Variants in EPHA6 observed in about 807,000 individuals in gnomAD.
EPHA6 encodes the protein EPH receptor A6.
In EPHA6, 50 loss-of-function variants were observed where a neutral mutation model predicts 112.0. That is an observed-to-expected ratio of 0.45 (90% CI 0.36 to 0.56). The LOEUF (loss-of-function observed/expected upper bound fraction) is 0.56. EPHA6 is among the 20% of genes least tolerant of loss of function. EPHA6 has a pLI of 0.00. For missense variants in EPHA6, 1,280 were observed against 1,417.4 expected (o/e 0.90, Z 1.56); for synonymous variants, 529 against 490.7 (o/e 1.08, Z -1.03).
At chr3:97,694,821 C>T (rs985214559) in intron 14 of EPHA6, among the ~76,000 whole-genome samples, 2 of 152,192 alleles carry the variant, frequency 1.3e-5, no homozygotes, top group Admixed American at 6.5e-5. Flanking sequence ...CTTTAAGAAG[C>T]TATTCTATAA....
chr3:97,423,309 A>T (rs554642315), intron 6 of EPHA6, among the ~76,000 whole-genome samples: 2 of 152,346 alleles, frequency 1.3e-5, no homozygotes, highest in African/African-American at 4.8e-5. Flanking sequence ...AACAACTTTC[A>T]GTATACAAAA....
At chr3:97,700,734 T>C (rs1450199450) in intron 14 of EPHA6, among the ~76,000 whole-genome samples, 4 of 152,194 alleles carry the variant, frequency 2.6e-5, no homozygotes, top group Non-Finnish European at 5.9e-5. Flanking sequence ...TATGCATATA[T>C]GTATATTATG....
chr3:96,919,566 G>A (rs1457468471), intron 2 of EPHA6, among the ~76,000 whole-genome samples: 1 of 151,702 alleles, frequency 6.6e-6, no homozygotes, highest in African/African-American at 2.4e-5. Flanking sequence ...TATTTCAATA[G>A]GAGAAACCAT....
At chr3:97,276,775 C>A (rs554983704) in intron 5 of EPHA6, among the ~76,000 whole-genome samples, 1 of 152,160 alleles carries the variant, frequency 6.6e-6, no homozygotes, top group African/African-American at 2.4e-5. Flanking sequence ...ATGAACTGGG[C>A]TGGGTTTTTC....
intron 2 of EPHA6, among the ~76,000 whole-genome samples, chr3:96,964,183 G>T (rs975333859): frequency 6.6e-6 from 1 of 151,930 alleles, no homozygotes. Context: ...ATGCTCATTC[G>T]TTATTTTAAG....
chr3:97,710,043 G>A (rs1291508306), intron 14 of EPHA6, among the ~76,000 whole-genome samples: 1 of 152,174 alleles, frequency 6.6e-6, no homozygotes, highest in African/African-American at 2.4e-5. Flanking sequence ...AATTCTTTCA[G>A]CGAAAGTCTA....
chr3:96,890,895 G>A lies in EPHA6; in HGVS notation c.450+24006G>A, dbSNP rs145773502. On this transcript the variant is annotated intron_variant, in intron 2 of 17. Transcript: ENST00000389672. ...GAGGTCAGGAGTGCAAGGCCAGCCT[G>A]GCCAACATGGTGAAACCCTGTCTCT... is the stretch of plus-strand genomic sequence containing the variant. Among the ~76,000 whole-genome samples, 476 of 152,276 alleles carry A rather than the reference G, an allele frequency of 3.1e-3. 4 individuals carry two copies. Among genetic ancestry groups the A allele is most frequent in the African/African-American group, 0.011 (437 of 41,558 alleles).
intron 13 of EPHA6, among the ~76,000 whole-genome samples, chr3:97,626,811 A>T (rs1317913022): frequency 6.6e-6 from 1 of 151,804 alleles, no homozygotes; most frequent in African/African-American, 2.4e-5. Flanking sequence ...AATGCTACAA[A>T]TCAGGGCTTT....
intron 2 of EPHA6, among the ~76,000 whole-genome samples, chr3:96,974,460 A>G (rs1433557249): frequency 6.6e-6 from 1 of 150,438 alleles, no homozygotes; most frequent in Non-Finnish European, 1.5e-5. Flanking sequence ...CTGAACTAAA[A>G]TATCCCAGTT....
chr3:97,542,588 A>G (rs2092877207), intron 11 of EPHA6, among the ~76,000 whole-genome samples: 1 of 152,224 alleles, frequency 6.6e-6, no homozygotes, highest in Admixed American at 6.5e-5. Context: ...AGCATGATTT[A>G]TAATCCTTTG....
chr3:97,577,367 T>G (rs1258604693), intron 11 of EPHA6, among the ~76,000 whole-genome samples: 1 of 152,222 alleles, frequency 6.6e-6, no homozygotes, highest in East Asian at 1.9e-4. Flanking sequence ...AAAAATTTAT[T>G]CACTATTGAA....
intron 3 of EPHA6, among the ~76,000 whole-genome samples, chr3:97,087,986 A>G (rs557453816): frequency 2.0e-5 from 3 of 152,140 alleles, no homozygotes; most frequent in South Asian, 2.1e-4. Context: ...GATCGAGACC[A>G]TCTGGCCAAC....
intron 14 of EPHA6, among the ~76,000 whole-genome samples, chr3:97,639,235 T>C (rs1047154682): frequency 6.6e-6 from 1 of 151,952 alleles, no homozygotes; most frequent in African/African-American, 2.4e-5. Context: ...AAAAGCTTCA[T>C]AAAAATAAAA....
At chr3:97,006,965 A>G (rs2043903616) in intron 3 of EPHA6, among the ~76,000 whole-genome samples, 1 of 152,076 alleles carries the variant, frequency 6.6e-6, no homozygotes, top group Non-Finnish European at 1.5e-5. Flanking sequence ...GTGTTTGGAG[A>G]GACTGTTTGT....
Position 97,637,737 on chromosome 3 carries a change from A to G in EPHA6, c.2575-136A>G, listed in dbSNP as rs2093960768. ...AACAAATTATTACTTTTCCTTATGA[A>G]TATAGTCAGTGATCACCAAAGTTGA... is the stretch of plus-strand genomic sequence containing the variant. On this transcript the variant is annotated intron_variant, in intron 13 of 17. Transcript: ENST00000389672. The G allele has an allele frequency of 6.2e-6, 4 of 645,632 alleles. No homozygotes were observed. The Admixed American group carries it at 1.1e-4, about 18-fold the overall frequency. 40.0% of individuals were successfully genotyped at this position (645,632 alleles called of 1,614,324 possible).
intron 2 of EPHA6, among the ~76,000 whole-genome samples, chr3:96,950,312 T>C (rs1559617065): frequency 6.6e-6 from 1 of 152,128 alleles, no homozygotes; most frequent in Non-Finnish European, 1.5e-5. Context: ...CAAATACTAA[T>C]GCCATGCCCT....
intron 5 of EPHA6, among the ~76,000 whole-genome samples, chr3:97,373,930 A>T (rs531703441): frequency 3.3e-5 from 5 of 152,292 alleles, no homozygotes; most frequent in African/African-American, 1.2e-4. Context: ...AACAAAAGAA[A>T]GTTCTACTTT....
chr3:97,117,907 A>G (rs572965176), intron 3 of EPHA6, among the ~76,000 whole-genome samples: 18 of 152,010 alleles, frequency 1.2e-4, no homozygotes, highest in African/African-American at 4.1e-4. Context: ...TAGTTCATAT[A>G]CAAAGAACTC....
chr3:97,642,785 C>T (rs1336369072), intron 14 of EPHA6, among the ~76,000 whole-genome samples: 1 of 151,362 alleles, frequency 6.6e-6, no homozygotes, highest in Non-Finnish European at 1.5e-5. Context: ...AAATATGGGA[C>T]TATGTGAAAA....
Sources: gnomAD v4.1 joint callset for allele counts (sites outside exome capture counted in the v4.1 genomes callset) on GRCh38, gnomAD v4.1.1 for gene constraint, MANE v1.5 for transcripts, NCBI Gene and HGNC (gene_info 2026-07-23, HGNC 2026-07-21) for gene names.